ARHGAP39: variants seen among roughly 807,000 people sequenced by gnomAD.
ARHGAP39 encodes the protein rho GTPase-activating protein 39.
A neutral mutation model predicts 106.9 loss-of-function variants in ARHGAP39; 44 were observed. That is an observed-to-expected ratio of 0.41 (90% confidence interval 0.32 to 0.53). The LOEUF (loss-of-function observed/expected upper bound fraction) is 0.53. Ranked by LOEUF, ARHGAP39 falls within the 20% of genes least tolerant of loss-of-function variation. The pLI is 0.21. For missense variants in ARHGAP39, 1,496 were observed against 1,577.3 expected (o/e 0.95, Z 0.87); for synonymous variants, 768 against 693.2 (o/e 1.11, Z -1.69).
chr8:144,534,811 G>A (rs889378658), intron 7 of ARHGAP39, among the ~76,000 whole-genome samples: 5 of 152,214 alleles, frequency 3.3e-5, no homozygotes, highest in Non-Finnish European at 7.4e-5. Flanking sequence ...AACTCAGCCC[G>A]ACAGCAGGGT....
At chr8:144,576,338 A>T (rs1818776069) in intron 3 of ARHGAP39, among the ~76,000 whole-genome samples, 1 of 150,074 alleles carries the variant, frequency 6.7e-6, no homozygotes, top group Admixed American at 6.6e-5. Context: ...GTCTCAAAAA[A>T]AAAAAAAAAA....
chr8:144,583,643 G>A (rs571110492), intron 2 of ARHGAP39, among the ~76,000 whole-genome samples: 6 of 152,336 alleles, frequency 3.9e-5, no homozygotes, highest in South Asian at 4.1e-4. Context: ...CCAGCACACC[G>A]TCACCCTTGC....
chr8:144,597,334 C>T (rs568867901), intron 2 of ARHGAP39, among the ~76,000 whole-genome samples: 84 of 152,344 alleles, frequency 5.5e-4, no homozygotes, highest in African/African-American at 1.9e-3. Flanking sequence ...GTCCAAAGCC[C>T]AACGTCTTCT....
In ARHGAP39 at chr8:144,644,089, C is replaced by T. The variant is rs1468738446; in HGVS notation, c.-81-38394G>A. The stretch of plus-strand genomic sequence containing the variant: ...AATCTAGTCGGGAGACATGAAGTCA[C>T]AAATGCACAGTGAGACCCGGACACG... On this transcript the variant is annotated intron_variant, in intron 1 of 11. Coordinates refer to ENST00000377307, the MANE Select transcript of ARHGAP39 (RefSeq NM_025251.3). This position sits in a 1 kb window ranked among gnomAD's most constrained non-coding sequence, Gnocchi z 4.8. Among the ~76,000 whole-genome samples the T allele has an allele frequency of 6.6e-6, 1 of 152,130 alleles. No homozygotes were observed.
chr8:144,624,068 G>A (rs1339894993), intron 1 of ARHGAP39, among the ~76,000 whole-genome samples: 1 of 152,162 alleles, frequency 6.6e-6, no homozygotes, highest in Non-Finnish European at 1.5e-5. Context: ...CCACCCATCA[G>A]AAAGAGCCCA....
At chr8:144,668,569 CAGA>C (rs1477728329) in intron 1 of ARHGAP39, among the ~76,000 whole-genome samples, 1 of 152,076 alleles carries the variant, frequency 6.6e-6, no homozygotes, top group African/African-American at 2.4e-5. Context: ...AGAATAACAT[CAGA>C]AGGAGTAAAA....
Position 144,604,432 on chromosome 8 carries a change from C to T in ARHGAP39, c.80+1103G>A, listed in dbSNP as rs1198281393. Among the ~76,000 whole-genome samples, 2 of 152,172 alleles carry T rather than the reference C, an allele frequency of 1.3e-5. No individual in the cohort carries two copies. The highest frequency in any genetic ancestry group is 4.8e-5 in the African/African-American group (2 of 41,422). On this transcript the variant is annotated intron_variant, in intron 2 of 11. Coordinates refer to ENST00000377307, the MANE Select transcript of ARHGAP39 (RefSeq NM_025251.3). The surrounding 1 kb of genome is among the most constrained non-coding windows in gnomAD (Gnocchi z 4.1). The stretch of plus-strand genomic sequence containing the variant: ...TCACGCAGTCGCTCAGGCCAGAGTG[C>T]AGTGGTGTGATCTCAGCTCACTGCA...
chr8:144,544,817 C>G (rs1029859729), intron 6 of ARHGAP39, among the ~76,000 whole-genome samples: 2 of 152,280 alleles, frequency 1.3e-5, no homozygotes, highest in African/African-American at 4.8e-5. Flanking sequence ...CTGCCAGGAC[C>G]ATGCCCAGAA....
Position 144,609,397 on chromosome 8 carries a change from C to CTTT in ARHGAP39, c.-81-3705_-81-3703dup, listed in dbSNP as rs779442641. 2.4e-3 allele frequency among the ~76,000 whole-genome samples: 292 copies of CTTT among 121,306 alleles called. 2 individuals carry two copies. The highest frequency in any genetic ancestry group is 3.3e-3 in the Admixed American group (37 of 11,296). The allele number at this position is 121,306 out of a possible 152,430, so 79.6% of individuals were successfully genotyped here. ...TGCCAATTGGTCACGATGTATTGTC[C>CTTT]TTTTTTTTTTTTTTTTTTTTTTGAG... On this transcript the variant is annotated intron_variant, in intron 1 of 11. Transcript: ENST00000377307.
Position 144,530,860 on chromosome 8 carries a change from T to G in ARHGAP39, c.2992A>C (p.Lys998Gln). Reference sequence around the variant, plus strand: ...TCCTCCAGCTCCCGGTACCACAGCTTCAGCAGGGACGCTGGGGACACAGCA... The same window carrying G: ...TCCTCCAGCTCCCGGTACCACAGCTGCAGCAGGGACGCTGGGGACACAGCA... ...EDPHVPASLLKLWYRELEEPL... is the reference protein window; with the variant it reads ...EDPHVPASLLQLWYRELEEPL... Residue 998 changes from lysine to glutamine, a missense_variant, in exon 11 of 12, where the codon AAG becomes CAG. Coordinates refer to ENST00000377307, the MANE Select transcript of ARHGAP39 (RefSeq NM_025251.3). 2 of 1,609,350 alleles carry G rather than the reference T, an allele frequency of 1.2e-6. No homozygotes were observed. Among genetic ancestry groups the G allele is most frequent in the Non-Finnish European group, 1.7e-6 (2 of 1,179,084 alleles).
chr8:144,580,979 C>T lies in ARHGAP39; in HGVS notation c.379G>A (p.Gly127Ser). ...CTGCCCTCACGGCTGACGCTGCTGC[C>T]GCGCCCGGGGCTGCTCTCCGCCGAG... The part of the protein sequence containing the change: ...RASAESSPGR[G>S]SSVSREGSTS... The change falls in exon 3 of 12, where the codon GGC becomes AGC. Residue 127 changes from glycine (G) to serine (S), a missense_variant. This residue lies in a region of ARHGAP39 where 905 missense variants were observed against 816.4 expected (regional missense o/e 1.11). Coordinates refer to ENST00000377307, the MANE Select transcript of ARHGAP39 (RefSeq NM_025251.3). 6.3e-7 allele frequency: 1 copy of T among 1,599,398 alleles called. No individual in the cohort carries two copies.
rs1220058636 is a variant in ARHGAP39, at chr8:144,591,271, G to A, written c.81-9994C>T. 2.6e-5 allele frequency among the ~76,000 whole-genome samples: 4 copies of A among 152,196 alleles called. No homozygotes were observed. Among genetic ancestry groups the A allele is most frequent in the Non-Finnish European group, 5.9e-5 (4 of 68,034 alleles). On this transcript the variant is annotated intron_variant, in intron 2 of 11. Transcript: ENST00000377307. The surrounding 1 kb of genome is among the most constrained non-coding windows in gnomAD (Gnocchi z 5.3). ...CGTGAGCACAGACCTGCAGGGGAGG[G>A]TGGCGCGTGTGAGGAGCACCTGCTG...
chr8:144,623,709 C>A (rs1312259901), intron 1 of ARHGAP39, among the ~76,000 whole-genome samples: 1 of 152,240 alleles, frequency 6.6e-6, no homozygotes, highest in Non-Finnish European at 1.5e-5. Context: ...GATTCACCAT[C>A]CAGGGAGTGT....
At chr8:144,672,766 T>C (rs1013961294) in intron 1 of ARHGAP39, among the ~76,000 whole-genome samples, 4 of 152,168 alleles carry the variant, frequency 2.6e-5, no homozygotes, top group African/African-American at 9.7e-5. Context: ...ACAACAACCT[T>C]GAACAAATAA....
At chr8:144,533,009 G>A (rs1816790625) in intron 9 of ARHGAP39, 117 bp downstream of exon 9, 1 of 1,258,606 alleles carries the variant, frequency 7.9e-7, no homozygotes, top group Non-Finnish European at 1.1e-6. Flanking sequence ...CTGCTCTCAG[G>A]TATGGGTGCG....
Position 144,581,135 on chromosome 8 carries a change from G to A in ARHGAP39, c.223C>T (p.Pro75Ser), listed in dbSNP as rs1169038471. 6.3e-7 allele frequency: 1 copy of A among 1,587,266 alleles called. No homozygotes were observed. The change falls in exon 3 of 12, where the codon CCC becomes TCC. Residue 75 changes from proline (P) to serine (S), a missense_variant. Physicochemically the swap from Pro to Ser is moderately conservative, Grantham distance 74. Around this residue, in one of 4 missense-constraint regions of ARHGAP39, gnomAD observed 25 missense variants for 48.0 expected, o/e 0.52. Transcript: ENST00000377307. ...TAGTAGTAGAAGCGGGACGTGTTGGGGTCGAACAGCTCCCACCACTGGTTC... is the reference window on the plus strand; with the variant it reads ...TAGTAGTAGAAGCGGGACGTGTTGGAGTCGAACAGCTCCCACCACTGGTTC... ...SENQWWELFD[P>S]NTSRFYYYNA...
chr8:144,695,106 C>T, the ARHGAP39 span, among the ~76,000 whole-genome samples: 3 of 141,770 alleles, frequency 2.1e-5, no homozygotes, highest in African/African-American at 8.0e-5. Context: ...CTGGAGTCTC[C>T]CTCTGTGGCC....
chr8:144,682,163 T>C (rs1266000144), intron 1 of ARHGAP39, among the ~76,000 whole-genome samples: 15 of 134,082 alleles, frequency 1.1e-4, no homozygotes, highest in Admixed American at 4.1e-4. Context: ...GAGAATGGCG[T>C]GAACTTGGGA....
chr8:144,603,025 CTG>C (rs1299370667), intron 2 of ARHGAP39, among the ~76,000 whole-genome samples: 100 of 109,492 alleles, frequency 9.1e-4, no homozygotes, highest in Middle Eastern at 0.01. Flanking sequence ...GCTCATGTAT[CTG>C]TGTGCGTGCG....
Sources: allele counts gnomAD v4.1 joint callset (sites outside exome capture counted in the v4.1 genomes callset), GRCh38; gene constraint gnomAD v4.1.1; regional missense constraint gnomAD v4.1.1; non-coding constraint Gnocchi (gnomAD v3.1); transcripts MANE v1.5; gene names NCBI Gene and HGNC (gene_info 2026-07-23, HGNC 2026-07-21).